C6orf89: variants seen among roughly 807,000 people sequenced by gnomAD.
C6orf89 encodes bombesin receptor-activated protein C6orf89.
C6orf89 carries 29 observed loss-of-function variants against 40.7 expected under a neutral mutation model. That is an observed-to-expected ratio of 0.71 (90% CI 0.53 to 0.97). The LOEUF is 0.97. C6orf89 is among the 50% of genes least tolerant of loss of function. C6orf89 has a pLI of 0.00. For missense variants in C6orf89, 392 were observed against 429.1 expected, an observed-to-expected ratio of 0.91 and a Z score of 0.76; for synonymous variants, 165 against 152.2, an observed-to-expected ratio of 1.08 and a Z score of -0.62.
chr6:36,924,852 C>A lies in C6orf89; in HGVS notation c.*1411C>A, dbSNP rs1310962139. ...TGACGAGTGAAGATGGTTGTGAAGCCCTCTTCATTCCTGGAGGAGCCTGCA... is the reference window on the plus strand; with the variant it reads ...TGACGAGTGAAGATGGTTGTGAAGCACTCTTCATTCCTGGAGGAGCCTGCA... On this transcript the variant is annotated 3_prime_UTR_variant, in exon 9 of 9. Transcript: ENST00000480824. 3 of 152,036 alleles carry A rather than the reference C, an allele frequency of 2.0e-5. No homozygotes were observed. The highest frequency in any genetic ancestry group is 7.2e-5 in the African/African-American group (3 of 41,384). 9.4% of individuals were successfully genotyped at this position (152,036 alleles called of 1,614,324 possible).
Position 36,914,569 on chromosome 6 carries a change from T to C in C6orf89, c.571T>C (p.Leu191=). The C allele has an allele frequency of 1.2e-6, 2 of 1,614,156 alleles. No homozygotes were observed. Among genetic ancestry groups the C allele is most frequent in the African/African-American group, 2.7e-5 (2 of 75,058 alleles). ...PLVIKTGKPL[L]EEEIQHFLCQ... is the part of the protein sequence containing the mutation. ...CCTTGCCAAGACGGGAAAGCCCCTG[T>C]TGGAGGAAGAGATTCAGCATTTTTT... The change falls in exon 6 of 9, where the codon TTG becomes CTG. Residue 191 remains leucine (L), a synonymous_variant. Coordinates refer to ENST00000480824, the MANE Select transcript of C6orf89 (RefSeq NM_001286635.2).
chr6:36,886,548 A>G (rs1002120738), intron 1 of C6orf89, among the ~76,000 whole-genome samples: 8 of 152,204 alleles, frequency 5.3e-5, no homozygotes, highest in African/African-American at 1.9e-4. Context: ...AGTTGTTTGT[A>G]ATCACCTCTT....
intron 1 of C6orf89, among the ~76,000 whole-genome samples, chr6:36,887,122 T>G (rs1219456277): frequency 2.6e-5 from 4 of 151,748 alleles, no homozygotes; most frequent in African/African-American, 9.7e-5. Context: ...TTTTTTTGTT[T>G]TTTTTTTTTT....
At position 36,919,660 on chromosome 6, in the gene C6orf89, A is replaced by G. The variant is rs144031629; in HGVS notation, c.908A>G (p.His303Arg). 2,436 of 1,614,106 alleles carry G rather than the reference A, an allele frequency of 1.5e-3. 5 individuals carry two copies. The highest frequency in any genetic ancestry group is 4.0e-3 in the Middle Eastern group (24 of 6,062). ...ATCCCTCCCTTCCAGTGCCGAAGAC[A>G]TTGTCAGTCTGTGGCCATGCCAATA... ...QLIPPFQCRR[H>R]CQSVAMPIEP... The change falls in exon 8 of 9, where the codon CAT becomes CGT. Residue 303 changes from histidine to arginine, a missense_variant. Physicochemically the swap from His to Arg is conservative, Grantham distance 29. Coordinates refer to ENST00000480824, the MANE Select transcript of C6orf89 (RefSeq NM_001286635.2).
intron 1 of C6orf89, among the ~76,000 whole-genome samples, chr6:36,892,504 A>G (rs1478570692): frequency 6.6e-6 from 1 of 151,610 alleles, no homozygotes; most frequent in African/African-American, 2.4e-5. Flanking sequence ...GCTGTGCCCA[A>G]CTCCTGTCCA....
At chr6:36,893,126 G>A (rs1167169200) in intron 1 of C6orf89, among the ~76,000 whole-genome samples, 6 of 151,656 alleles carry the variant, frequency 4.0e-5, no homozygotes, top group Non-Finnish European at 7.4e-5. Flanking sequence ...AGTAGAGACG[G>A]GGTTTCACTG....
At chr6:36,888,917 G>A (rs1775093268) in intron 1 of C6orf89, among the ~76,000 whole-genome samples, 2 of 152,126 alleles carry the variant, frequency 1.3e-5, no homozygotes, top group Admixed American at 1.3e-4. Context: ...GCAGTGGGAG[G>A]AATGAGTTGA....
At chr6:36,899,883 G>C (rs1218691960) in intron 3 of C6orf89, among the ~76,000 whole-genome samples, 1 of 152,188 alleles carries the variant, frequency 6.6e-6, no homozygotes, top group Non-Finnish European at 1.5e-5. Context: ...TTATTTGTTT[G>C]TTTGTTGTGT....
chr6:36,889,043 T>C (rs988900166), intron 1 of C6orf89, among the ~76,000 whole-genome samples: 3 of 152,034 alleles, frequency 2.0e-5, no homozygotes, highest in African/African-American at 7.3e-5. Flanking sequence ...TAGAGAGAGT[T>C]GTAGACTGGA....
At chr6:36,915,161 G>A (rs1018162531) in intron 6 of C6orf89, among the ~76,000 whole-genome samples, 1 of 152,210 alleles carries the variant, frequency 6.6e-6, no homozygotes, top group Non-Finnish European at 1.5e-5. Context: ...TAAAAGGGAT[G>A]GATGAAGAGG....
At chr6:36,905,521 G>A (rs187810822) in intron 4 of C6orf89, among the ~76,000 whole-genome samples, 52 of 152,232 alleles carry the variant, frequency 3.4e-4, no homozygotes, top group African/African-American at 1.2e-3. Context: ...TTCCCGACCT[G>A]GTGTTGTCTT....
At chr6:36,885,187 C>A (rs933653793), upstream of C6orf89, among the ~76,000 whole-genome samples, 3 of 152,178 alleles carry the variant, frequency 2.0e-5, no homozygotes, top group Non-Finnish European at 4.4e-5. Flanking sequence ...ATAGTATACA[C>A]CTGTAACAAT....
rs200865023 is a variant in C6orf89 at position 36,876,765 on chromosome 6, A to C, written c.-627-2243A>C. Among the ~76,000 whole-genome samples the C allele has an allele frequency of 3.8e-3, 548 of 142,962 alleles. 2 individuals carry two copies. The highest frequency in any genetic ancestry group is 6.1e-3 in the South Asian group (27 of 4,402). The allele number at this position is 142,962 out of a possible 152,430, so 93.8% of individuals were successfully genotyped here. On this transcript the variant is annotated intron_variant, in intron 1 of 9. Coordinates refer to the C6orf89 transcript ENST00000359359. ...AAGAAGAAGAAGAAGAAGAAGAAGA[A>C]ACACAGTTTTCCCTGAGCTCTGGTT...
intron 4 of C6orf89, among the ~76,000 whole-genome samples, chr6:36,906,915 T>C (rs1456680898): frequency 6.6e-6 from 1 of 152,186 alleles, no homozygotes; most frequent in Non-Finnish European, 1.5e-5. Context: ...AATGATGAAG[T>C]TATATTTATT....
upstream of C6orf89, among the ~76,000 whole-genome samples, chr6:36,882,513 C>T (rs188597291): frequency 3.9e-4 from 59 of 152,210 alleles, 1 homozygote; most frequent in Admixed American, 3.3e-3. Context: ...GTCCTTAAAG[C>T]TTTTGTTATT....
At chr6:36,872,162 A>G (rs937877430) in intron 1 of C6orf89, among the ~76,000 whole-genome samples, 1 of 152,104 alleles carries the variant, frequency 6.6e-6, no homozygotes, top group East Asian at 1.9e-4. Context: ...GTATATATAT[A>G]TAGCTATATC....
chr6:36,877,456 G>A (rs1482987888), intron 1 of C6orf89, among the ~76,000 whole-genome samples: 3 of 152,064 alleles, frequency 2.0e-5, no homozygotes, highest in Admixed American at 6.5e-5. Context: ...TCAGCCTCCC[G>A]AGTAGCTGGG....
At chr6:36,887,600 G>GC (rs367703909) in intron 1 of C6orf89, among the ~76,000 whole-genome samples, 276 of 152,284 alleles carry the variant, frequency 1.8e-3, no homozygotes, top group African/African-American at 5.6e-3. Flanking sequence ...AATTGTGTAT[G>GC]CAAAAGCAAA....
At chr6:36,922,699 A>AAT (rs1381940752) in intron 8 of C6orf89, among the ~76,000 whole-genome samples, 5 of 152,208 alleles carry the variant, frequency 3.3e-5, no homozygotes, top group Non-Finnish European at 5.9e-5. Context: ...TTTTCTTTGG[A>AAT]ATATCTTACA....
Sources: gnomAD v4.1 joint callset for allele counts (sites outside exome capture counted in the v4.1 genomes callset) on GRCh38, gnomAD v4.1.1 for gene constraint, MANE v1.5 for transcripts, NCBI Gene and HGNC (gene_info 2026-07-23, HGNC 2026-07-21) for gene names.